The following OC90 variants were observed in gnomAD, a reference collection of about 807,000 sequenced individuals.
OC90 encodes otoconin 90.
A neutral mutation model predicts 47.3 loss-of-function variants in OC90; 46 were observed. The ratio of observed to expected loss-of-function variants is 0.97; its 90% CI spans 0.77 to 1.24. The LOEUF is 1.24. OC90 is among the 50% of genes most tolerant of loss of function. The pLI is 0.00. For synonymous variants in OC90, 271 were observed against 219.5 expected (o/e 1.23, Z -2.07); for missense variants, 688 against 583.9 (o/e 1.18, Z -1.84).
At chr8:132,031,375 G>T (rs981134580) in intron 12 of OC90, among the ~76,000 whole-genome samples, 1 of 152,266 alleles carries the variant, frequency 6.6e-6, no homozygotes, top group East Asian at 1.9e-4. Flanking sequence ...TGAGGTCAAC[G>T]AAAATTCTTT....
At chr8:132,049,513 A>G (rs1397626144) in intron 2 of OC90, among the ~76,000 whole-genome samples, 18 of 152,200 alleles carry the variant, frequency 1.2e-4, no homozygotes, top group Admixed American at 1.1e-3. Flanking sequence ...GTTTAGAAGG[A>G]TATTAGGGAA....
intron 10 of OC90, 149 bp from the exon 11 acceptor site, chr8:132,033,313 A>C: frequency 2.6e-6 from 2 of 765,512 alleles, no homozygotes; most frequent in Non-Finnish European, 4.3e-6. Flanking sequence ...GTCCAGGCAG[A>C]GTCTTAAGAA....
intron 6 of OC90, among the ~76,000 whole-genome samples, chr8:132,039,746 C>T (rs1392214622): frequency 1.3e-5 from 2 of 152,146 alleles, no homozygotes; most frequent in Non-Finnish European, 2.9e-5. Context: ...GGCCTCAGGG[C>T]CAGTCCCTGA....
At chr8:132,056,027 T>C (rs1823275912) in intron 1 of OC90, among the ~76,000 whole-genome samples, 1 of 152,196 alleles carries the variant, frequency 6.6e-6, no homozygotes, top group Non-Finnish European at 1.5e-5. Flanking sequence ...TTTTAGAACA[T>C]GTTTTTGGGA....
intron 8 of OC90, among the ~76,000 whole-genome samples, chr8:132,038,538 C>G (rs1391540303): frequency 6.6e-6 from 1 of 152,228 alleles, no homozygotes; most frequent in Non-Finnish European, 1.5e-5. Context: ...GTTCTACATC[C>G]ACACTGGATT....
intron 11 of OC90, 108 bp from the exon 12 acceptor site, chr8:132,032,160 A>C: frequency 1.1e-6 from 1 of 946,360 alleles, no homozygotes; most frequent in Non-Finnish European, 1.6e-6. Context: ...TAGTCATGCA[A>C]AGGAACCCCA....
intron 9 of OC90, among the ~76,000 whole-genome samples, chr8:132,037,137 G>A (rs1822980252): frequency 6.6e-6 from 1 of 152,218 alleles, no homozygotes; most frequent in Admixed American, 6.5e-5. Flanking sequence ...CAGTAGCAGA[G>A]CTGAGCAACT....
chr8:132,044,555 C>T (rs1437103311), intron 3 of OC90, 66 bp from the exon 4 acceptor site: 1 of 882,024 alleles, frequency 1.1e-6, no homozygotes, highest in African/African-American at 1.7e-5. Flanking sequence ...CCTGTCCACC[C>T]TCTAGGTAAA....
chr8:132,032,633 G>A (rs1822892365), intron 11 of OC90, among the ~76,000 whole-genome samples: 1 of 152,212 alleles, frequency 6.6e-6, no homozygotes, highest in African/African-American at 2.4e-5. Context: ...ATGCCCAACA[G>A]GCCGTGGCCT....
chr8:132,035,029 A>G (rs1238431784), intron 9 of OC90, among the ~76,000 whole-genome samples, 195 bp from the exon 10 acceptor site: 1 of 152,234 alleles, frequency 6.6e-6, no homozygotes, highest in Non-Finnish European at 1.5e-5. Context: ...GGAACCCCCC[A>G]GAAAAACGCT....
chr8:132,029,567 C>G (rs2130851304), intron 12 of OC90, among the ~76,000 whole-genome samples: 1 of 152,236 alleles, frequency 6.6e-6, no homozygotes, highest in African/African-American at 2.4e-5. Context: ...ACCATATGGG[C>G]TAGCAGTAAG....
At chr8:132,033,190 G>T in intron 10 of OC90, 26 bp from the exon 11 acceptor site, 1 of 1,595,766 alleles carries the variant, frequency 6.3e-7, no homozygotes, top group Non-Finnish European at 8.5e-7. Flanking sequence ...TTCATGATTC[G>T]GATTCAAAAA....
At chr8:132,052,437 A>T (rs146724320) in intron 2 of OC90, among the ~76,000 whole-genome samples, 85 of 152,270 alleles carry the variant, frequency 5.6e-4, no homozygotes, top group African/African-American at 2.0e-3. Flanking sequence ...CTATTACTGC[A>T]CTCTATTCCT....
At chr8:132,052,730 T>G (rs1823229769) in intron 2 of OC90, among the ~76,000 whole-genome samples, 1 of 152,202 alleles carries the variant, frequency 6.6e-6, no homozygotes, top group Non-Finnish European at 1.5e-5. Context: ...TTGATTCTGA[T>G]TCAGTAAGCT....
chr8:132,048,304 T>C (rs901473162), intron 2 of OC90, among the ~76,000 whole-genome samples: 1 of 152,168 alleles, frequency 6.6e-6, no homozygotes, highest in Admixed American at 6.5e-5. Context: ...TTAAAAAGGG[T>C]AAATATATTT....
In OC90 at chr8:132,040,937, GTGA is replaced by G. The variant is rs1823042714; in HGVS notation, c.457+104_457+106del. ...AGTGCTGCCAACGATGCTGCCAGTG[GTGA>G]CGATGATGTGAGAGGATCACAATGC... is the stretch of plus-strand genomic sequence containing the variant. On this transcript the variant is annotated intron_variant, in intron 6 of 13. Transcript: ENST00000254627. 4.1e-6 allele frequency: 3 copies of G among 728,220 alleles called. No individual in the cohort carries two copies. The Admixed American group carries it at 6.0e-5, about 15-fold the overall frequency. The allele number at this position is 728,220 out of a possible 1,614,324, so 45.1% of individuals were successfully genotyped here.
At chr8:132,039,174 A>C in intron 6 of OC90, 51 bp from the exon 7 acceptor site, 1 of 1,553,130 alleles carries the variant, frequency 6.4e-7, no homozygotes, top group Non-Finnish European at 8.7e-7. Context: ...CTGGAATCCC[A>C]AGAGGTAATG....
At chr8:132,058,393 G>T (rs1448613508) in intron 1 of OC90, among the ~76,000 whole-genome samples, 1 of 152,172 alleles carries the variant, frequency 6.6e-6, no homozygotes, top group African/African-American at 2.4e-5. Context: ...TGCTGTCCTT[G>T]TGGGCCTGAG....
At chr8:132,044,816 T>C (rs1823109069) in intron 3 of OC90, among the ~76,000 whole-genome samples, 1 of 152,208 alleles carries the variant, frequency 6.6e-6, no homozygotes, top group South Asian at 2.1e-4. Flanking sequence ...TGATGACTCT[T>C]ATAAACGGTC....
Sources: gnomAD v4.1 joint callset for allele counts (sites outside exome capture counted in the v4.1 genomes callset) on GRCh38, gnomAD v4.1.1 for gene constraint, MANE v1.5 for transcripts, NCBI Gene and HGNC (gene_info 2026-07-23, HGNC 2026-07-21) for gene names.